GABBR2: variants seen among roughly 807,000 people sequenced by gnomAD.
GABBR2 encodes G-protein coupled receptor 51.
A neutral mutation model predicts 105.6 loss-of-function variants in GABBR2; 23 were observed. The observed-to-expected ratio is 0.22, with a 90% CI of 0.16 to 0.31. The LOEUF (loss-of-function observed/expected upper bound fraction) is 0.31. GABBR2 is among the 10% of genes least tolerant of loss of function. The pLI is 1.00. For synonymous variants in GABBR2, 478 were observed against 499.7 expected, an observed-to-expected ratio of 0.96 and a Z score of 0.58; for missense variants, 734 against 1,245.5, an observed-to-expected ratio of 0.59 and a Z score of 6.18.
intron 14 of GABBR2, among the ~76,000 whole-genome samples, chr9:98,308,016 C>T (rs937919702): frequency 1.1e-4 from 17 of 152,128 alleles, no homozygotes; most frequent in Non-Finnish European, 5.9e-5. Context: ...GGTGGATTAT[C>T]TGAGGTCACG....
At chr9:98,568,052 C>G (rs992507914) in intron 2 of GABBR2, among the ~76,000 whole-genome samples, 1 of 152,160 alleles carries the variant, frequency 6.6e-6, no homozygotes, top group Non-Finnish European at 1.5e-5. Flanking sequence ...AACCTCTCTT[C>G]CCCTGAAGAT....
Position 98,518,265 on chromosome 9 carries a change from C to T in GABBR2, c.631-21751G>A, listed in dbSNP as rs758618560. ...TCTGCCTAAAGTACTTCATCTAAAT[C>T]GGACTTCAGCTCTGAAGATGCCGTC... On this transcript the variant is annotated intron_variant, in intron 3 of 18. Transcript: ENST00000259455. Among the ~76,000 whole-genome samples, 10 of 152,270 alleles carry T rather than the reference C, an allele frequency of 6.6e-5. No individual in the cohort carries two copies. In the South Asian group the frequency reaches 1.0e-3, roughly 16 times the overall value.
At chr9:98,341,730 G>A (rs550182679) in intron 13 of GABBR2, among the ~76,000 whole-genome samples, 1 of 152,150 alleles carries the variant, frequency 6.6e-6, no homozygotes, top group Admixed American at 6.5e-5. Flanking sequence ...TCTTTATCTC[G>A]GGGACACAAA....
At chr9:98,353,764 A>C (rs1263620415) in intron 13 of GABBR2, among the ~76,000 whole-genome samples, 1 of 151,710 alleles carries the variant, frequency 6.6e-6, no homozygotes, top group African/African-American at 2.4e-5. Context: ...GATAATCCCC[A>C]CATGTCAAGG....
At chr9:98,316,460 T>TAA (rs746330520) in intron 13 of GABBR2, among the ~76,000 whole-genome samples, 12,699 of 152,248 alleles carry the variant, frequency 0.083, 657 homozygotes, top group South Asian at 0.18. Flanking sequence ...CCACTTTTGT[T>TAA]ATTTTTCTTC....
chr9:98,298,304 C>T (rs1830414434), intron 17 of GABBR2, among the ~76,000 whole-genome samples: 1 of 152,080 alleles, frequency 6.6e-6, no homozygotes. Flanking sequence ...ATAAAATGTG[C>T]CATGTTTTGC....
Position 98,288,335 on chromosome 9 carries a change from T to C in GABBR2, c.*2249A>G, listed in dbSNP as rs1424887949. 6.6e-6 allele frequency: 1 copy of C among 152,494 alleles called. No homozygotes were observed. The highest frequency in any genetic ancestry group is 1.5e-5 in the Non-Finnish European group (1 of 68,030). The allele number at this position is 152,494 out of a possible 1,614,324, so 9.4% of individuals were successfully genotyped here. ...CATTAAGTAGCTAGAGTCACTTCTG[T>C]GGGTCTTGTTATTTGCGAGGAAATT... On this transcript the variant is annotated 3_prime_UTR_variant, in exon 19 of 19. Transcript: ENST00000259455.
In GABBR2 at chr9:98,337,224, G is replaced by A. The variant is rs1455958188; in HGVS notation, c.1893+25491C>T. Reference sequence around the variant, plus strand: ...GGAGGCCGAGGCACGAGAATCGCTTGAACCCGGGAGGCGGAGGTTGCAGTG... The same window carrying A: ...GGAGGCCGAGGCACGAGAATCGCTTAAACCCGGGAGGCGGAGGTTGCAGTG... On this transcript the variant is annotated intron_variant, in intron 13 of 18. Transcript: ENST00000259455. Among the ~76,000 whole-genome samples the A allele has an allele frequency of 2.6e-5, 4 of 152,296 alleles. No homozygotes were observed. The East Asian group carries it at 7.7e-4, about 29-fold the overall frequency.
rs1016294111 is a variant in GABBR2 at position 98,462,366 on chromosome 9, A to T, written c.1000-8149T>A. On this transcript the variant is annotated intron_variant, in intron 6 of 18. Coordinates refer to ENST00000259455, the MANE Select transcript of GABBR2 (RefSeq NM_005458.8). ...TACATCGAGAGTGAAAAGATAAGCC[A>T]CAGAATAGGAGAAGATATAAATAAT... 2.0e-5 allele frequency among the ~76,000 whole-genome samples: 3 copies of T among 152,238 alleles called. No individual in the cohort carries two copies. In the East Asian group the frequency reaches 5.8e-4, roughly 29 times the overall value.
chr9:98,529,121 T>G (rs1174930619), intron 3 of GABBR2, among the ~76,000 whole-genome samples: 1 of 149,420 alleles, frequency 6.7e-6, no homozygotes, highest in Non-Finnish European at 1.5e-5. Flanking sequence ...TCCTGTCCCA[T>G]CCCCGAATCC....
chr9:98,394,159 A>G lies in GABBR2; in HGVS notation c.1378+16T>C, dbSNP rs753791840. The G allele has an allele frequency of 2.9e-5, 46 of 1,596,080 alleles. 1 individual carries two copies. The East Asian group carries it at 1.0e-3, about 35-fold the overall frequency. The stretch of plus-strand genomic sequence containing the variant: ...ACTGGGCAGGCCCCCTCCTCTGAGA[A>G]GCCCACCTGCCTTACCTTGGAACCT... On this transcript the variant is annotated intron_variant, in intron 9 of 18. Transcript: ENST00000259455.
intron 1 of GABBR2, among the ~76,000 whole-genome samples, chr9:98,597,997 A>G (rs1829262406): frequency 6.6e-6 from 1 of 151,756 alleles, no homozygotes; most frequent in African/African-American, 2.4e-5. Flanking sequence ...AATTTTTTGT[A>G]TTTTTAATAG....
intron 8 of GABBR2, among the ~76,000 whole-genome samples, chr9:98,398,047 C>T (rs1483058104): frequency 6.6e-6 from 1 of 152,178 alleles, no homozygotes; most frequent in East Asian, 1.9e-4. Flanking sequence ...GTTAACTCCA[C>T]CGTGCAAACA....
chr9:98,512,943 A>T (rs1201152628), intron 3 of GABBR2, among the ~76,000 whole-genome samples: 1 of 151,908 alleles, frequency 6.6e-6, no homozygotes, highest in African/African-American at 2.4e-5. Context: ...AGCCCGCATC[A>T]CCAAGTCAAT....
intron 1 of GABBR2, among the ~76,000 whole-genome samples, chr9:98,682,960 G>C (rs1416976859): frequency 2.0e-5 from 3 of 152,160 alleles, no homozygotes; most frequent in Admixed American, 1.3e-4. Flanking sequence ...ACCCACTGCT[G>C]TCCAAGGACA....
intron 13 of GABBR2, among the ~76,000 whole-genome samples, chr9:98,324,429 A>T (rs1830882072): frequency 6.6e-6 from 1 of 151,604 alleles, no homozygotes; most frequent in African/African-American, 2.4e-5. Flanking sequence ...TGCTGGGGTC[A>T]CCTGCTTTGA....
intron 8 of GABBR2, among the ~76,000 whole-genome samples, chr9:98,403,061 C>T (rs763148703): frequency 1.4e-4 from 21 of 151,870 alleles, no homozygotes; most frequent in Non-Finnish European, 2.6e-4. Flanking sequence ...TTTGGGAGGC[C>T]GAGGTGGGCA....
intron 13 of GABBR2, among the ~76,000 whole-genome samples, chr9:98,351,112 G>A (rs1831391817): frequency 6.6e-6 from 1 of 151,786 alleles, no homozygotes; most frequent in African/African-American, 2.4e-5. Flanking sequence ...TTCACTTTCA[G>A]TCTATTTATA....
chr9:98,489,951 G>T (rs1827141653), intron 4 of GABBR2, among the ~76,000 whole-genome samples: 1 of 152,208 alleles, frequency 6.6e-6, no homozygotes, highest in Admixed American at 6.5e-5. Context: ...AAATTAGCCA[G>T]GCTTGGTGGA....
Sources: allele counts gnomAD v4.1 joint callset (sites outside exome capture counted in the v4.1 genomes callset), GRCh38; gene constraint gnomAD v4.1.1; transcripts MANE v1.5; gene names NCBI Gene and HGNC (gene_info 2026-07-23, HGNC 2026-07-21).